MLLT3: variants seen among roughly 807,000 people sequenced by gnomAD.
MLLT3 encodes protein AF-9.
In MLLT3, 4 loss-of-function variants were observed where a neutral mutation model predicts 53.2. The ratio of observed to expected loss-of-function variants is 0.08; its 90% CI spans 0.04 to 0.17. MLLT3 has a LOEUF of 0.17. Ranked by LOEUF, MLLT3 falls within the 10% of genes least tolerant of loss-of-function variation. The probability of loss-of-function intolerance (pLI) is 1.00; values close to 1 mark genes in which losing one functional copy is unlikely to be tolerated. For missense variants in MLLT3, 569 were observed against 684.0 expected (o/e 0.83, Z 1.87); for synonymous variants, 283 against 230.6 (o/e 1.23, Z -2.06).
intron 2 of MLLT3, among the ~76,000 whole-genome samples, chr9:20,599,266 T>C (rs1181395654): frequency 1.4e-5 from 2 of 147,982 alleles, no homozygotes; most frequent in East Asian, 2.0e-4. Context: ...ATCGTGCCAC[T>C]GCACGTCAGC....
At chr9:20,404,507 GT>G (rs1822532444) in intron 5 of MLLT3, among the ~76,000 whole-genome samples, 1 of 152,026 alleles carries the variant, frequency 6.6e-6, no homozygotes, top group Admixed American at 6.6e-5. Flanking sequence ...AACCTGTTTA[GT>G]TTTAGTTTTT....
intron 2 of MLLT3, among the ~76,000 whole-genome samples, chr9:20,591,761 A>T (rs1040511941): frequency 2.6e-5 from 4 of 152,378 alleles, no homozygotes; most frequent in Non-Finnish European, 2.9e-5. Context: ...GTATCAAAAA[A>T]AAGTTTTTGT....
At position 20,464,182 on chromosome 9, in the gene MLLT3, G is replaced by GA. The variant is rs76244513; in HGVS notation, c.194-7397dup. On this transcript the variant is annotated intron_variant, in intron 2 of 10. Transcript: ENST00000380338. ...TAAAACTGGAACTGTTTTTTATTTA[G>GA]AAAAAAAAAAAGAATTTTAATGTGT... Among the ~76,000 whole-genome samples the GA allele has an allele frequency of 4.5e-3, 592 of 131,660 alleles. 5 individuals are homozygous for GA. Among genetic ancestry groups the GA allele is most frequent in the African/African-American group, 0.014 (496 of 36,114 alleles). 86.4% of individuals were successfully genotyped at this position (131,660 alleles called of 152,430 possible).
At chr9:20,515,525 C>CTCTAGGCAGCAGCCTTT (rs1336746736) in intron 2 of MLLT3, among the ~76,000 whole-genome samples, 1 of 152,152 alleles carries the variant, frequency 6.6e-6, no homozygotes, top group Non-Finnish European at 1.5e-5. Flanking sequence ...AGGAAGGTAT[C>CTCTAGGCAGCAGCCTTT]TCTAGGCAGC....
intron 8 of MLLT3, among the ~76,000 whole-genome samples, chr9:20,360,361 G>C (rs1821283920): frequency 6.6e-6 from 1 of 152,138 alleles, no homozygotes; most frequent in Non-Finnish European, 1.5e-5. Context: ...TTTCCCACCA[G>C]TAAATTACCA....
At chr9:20,442,495 A>C (rs1823579416) in intron 4 of MLLT3, among the ~76,000 whole-genome samples, 1 of 152,166 alleles carries the variant, frequency 6.6e-6, no homozygotes, top group African/African-American at 2.4e-5. Context: ...TACCTATTCA[A>C]AAAAATTAAA....
At chr9:20,505,934 CCTT>C (rs2118951090) in intron 2 of MLLT3, among the ~76,000 whole-genome samples, 1 of 152,312 alleles carries the variant, frequency 6.6e-6, no homozygotes, top group Admixed American at 6.5e-5. Flanking sequence ...GCTAAAATGT[CCTT>C]CATGGTCCAA....
intron 10 of MLLT3, among the ~76,000 whole-genome samples, chr9:20,351,372 A>G (rs1821025969): frequency 6.6e-6 from 1 of 152,220 alleles, no homozygotes; most frequent in Admixed American, 6.5e-5. Context: ...GAGGTTACAT[A>G]TGTTCAATCT....
chr9:20,347,069 A>C (rs1407548077), intron 10 of MLLT3, among the ~76,000 whole-genome samples: 21 of 137,476 alleles, frequency 1.5e-4, no homozygotes, highest in Admixed American at 1.5e-3. Context: ...AAAATACAGG[A>C]ACTCCCAAAA....
chr9:20,427,361 G>C (rs186098959), intron 4 of MLLT3, among the ~76,000 whole-genome samples: 1 of 150,054 alleles, frequency 6.7e-6, no homozygotes, highest in African/African-American at 2.4e-5. Flanking sequence ...GTTAAACAGC[G>C]GACTGAACAC....
chr9:20,441,894 C>A (rs1823564539), intron 4 of MLLT3, among the ~76,000 whole-genome samples: 1 of 152,048 alleles, frequency 6.6e-6, no homozygotes, highest in Admixed American at 6.6e-5. Context: ...TTTTAGAAGC[C>A]AAAGTCTTGA....
chr9:20,483,383 A>G (rs1017502944), intron 2 of MLLT3, among the ~76,000 whole-genome samples: 4 of 151,508 alleles, frequency 2.6e-5, no homozygotes, highest in Admixed American at 1.3e-4. Flanking sequence ...GACTACAGGC[A>G]TGCACCATTA....
intron 2 of MLLT3, among the ~76,000 whole-genome samples, chr9:20,592,873 C>T (rs1820163618): frequency 6.6e-6 from 1 of 152,124 alleles, no homozygotes; most frequent in African/African-American, 2.4e-5. Context: ...AATTTTAAGC[C>T]ACTTCCTATG....
At chr9:20,410,514 G>A (rs1037780957) in intron 5 of MLLT3, 4 of 152,086 alleles carry the variant, frequency 2.6e-5, no homozygotes, top group Non-Finnish European at 5.9e-5. Context: ...TTAAGACACA[G>A]CCTGTCTGAC....
chr9:20,535,982 T>C (rs545901291), intron 2 of MLLT3, among the ~76,000 whole-genome samples: 1 of 152,292 alleles, frequency 6.6e-6, no homozygotes, highest in South Asian at 2.1e-4. Context: ...CCTGTACTTA[T>C]TAAATATAAA....
chr9:20,520,379 G>A (rs2118978007), intron 2 of MLLT3, among the ~76,000 whole-genome samples: 1 of 151,632 alleles, frequency 6.6e-6, no homozygotes, highest in Middle Eastern at 3.4e-3. Flanking sequence ...GAATATCACT[G>A]AGTCTCAATT....
chr9:20,454,623 G>T (rs1823915918), intron 3 of MLLT3, among the ~76,000 whole-genome samples: 1 of 152,148 alleles, frequency 6.6e-6, no homozygotes, highest in African/African-American at 2.4e-5. Flanking sequence ...TAAGAACTTT[G>T]CTGGCTTGAA....
intron 4 of MLLT3, among the ~76,000 whole-genome samples, chr9:20,441,425 T>C (rs1823549855): frequency 1.3e-5 from 2 of 152,140 alleles, no homozygotes; most frequent in South Asian, 4.1e-4. Context: ...GAATTAAGGC[T>C]CACAATTTTG....
At chr9:20,542,413 G>T (rs546802051) in intron 2 of MLLT3, among the ~76,000 whole-genome samples, 4 of 152,100 alleles carry the variant, frequency 2.6e-5, no homozygotes, top group African/African-American at 7.2e-5. Flanking sequence ...ACCGCGCCCG[G>T]CTAATTTTTT....
Sources: allele counts gnomAD v4.1 joint callset (sites outside exome capture counted in the v4.1 genomes callset), GRCh38; gene constraint gnomAD v4.1.1; transcripts MANE v1.5; gene names NCBI Gene and HGNC (gene_info 2026-07-23, HGNC 2026-07-21).